Variants in LYST observed in about 807,000 individuals in gnomAD.
LYST encodes the protein lysosomal-trafficking regulator.
Under a neutral mutation model 413.6 loss-of-function variants are expected in LYST, and 192 were observed. The observed-to-expected ratio is 0.46, with a 90% CI of 0.41 to 0.52. LYST has a LOEUF of 0.52. Ranked by LOEUF, LYST falls within the 20% of genes least tolerant of loss-of-function variation. The pLI is 0.00. For synonymous variants in LYST, 1,525 were observed against 1,567.3 expected, an observed-to-expected ratio of 0.97 and a Z score of 0.64; for missense variants, 3,815 against 4,499.9, an observed-to-expected ratio of 0.85 and a Z score of 4.35.
chr1:235,751,935 G>T, intron 27 of LYST, 70 bp downstream of exon 27: 3 of 1,047,044 alleles, frequency 2.9e-6, no homozygotes, highest in Admixed American at 1.9e-5. Flanking sequence ...AGAAGAAAGA[G>T]ATTGTGCTCA....
At chr1:235,772,186 C>T (rs1168500821) in intron 19 of LYST, among the ~76,000 whole-genome samples, 1 of 152,076 alleles carries the variant, frequency 6.6e-6, no homozygotes, top group African/African-American at 2.4e-5. Flanking sequence ...GATGGTGCCA[C>T]TGCATTTTAG....
Position 235,731,116 on chromosome 1 carries a change from G to T in LYST, c.8863C>A (p.Pro2955Thr), listed in dbSNP as rs200038014. The T allele has an allele frequency of 6.2e-7, 1 of 1,613,650 alleles. No individual in the cohort carries two copies. Among genetic ancestry groups the T allele is most frequent in the Non-Finnish European group, 8.5e-7 (1 of 1,179,692 alleles). The change falls in exon 35 of 53, where the codon CCA becomes ACA. Residue 2955 changes from proline to threonine, a missense_variant. Physicochemically the swap from Pro to Thr is conservative, Grantham distance 38. Coordinates refer to ENST00000389793, the MANE Select transcript of LYST (RefSeq NM_000081.4). ...TSWQLDPTEGPNRERRRLQRC... is the reference protein window; with the variant it reads ...TSWQLDPTEGTNRERRRLQRC... ...TGTAAACGTCTCCTCTCTCGATTTGGCCCTTCTGTTGGATCCAACTGCCAT... is the reference window on the plus strand; with the variant it reads ...TGTAAACGTCTCCTCTCTCGATTTGTCCCTTCTGTTGGATCCAACTGCCAT...
Position 235,730,595 on chromosome 1 carries a change from GTGTGTGTGTGTGTGTGTGTA to G in LYST, c.9044+232_9044+251del, listed in dbSNP as rs779410645. 6.0e-3 allele frequency among the ~76,000 whole-genome samples: 778 copies of G among 129,702 alleles called. 3 individuals are homozygous for G. Among genetic ancestry groups the G allele is most frequent in the African/African-American group, 0.018 (593 of 32,488 alleles). 85.1% of individuals were successfully genotyped at this position (129,702 alleles called of 152,430 possible). A position where few individuals can be genotyped will look rare whatever the true frequency, so the allele number is the denominator to read the frequency against. The stretch of plus-strand genomic sequence containing the variant: ...TGTGTGTGTGTGTGTGTGTGTGTGT[GTGTGTGTGTGTGTGTGTGTA>G]TATGTAAACTAACAAGGGCCAGAAC... On this transcript the variant is annotated intron_variant, in intron 36 of 52. Transcript: ENST00000389793.
In LYST at chr1:235,725,607, G is replaced by A. The variant is rs1201511325; in HGVS notation, c.9163-1427C>T. On this transcript the variant is annotated intron_variant, in intron 38 of 52. Transcript: ENST00000389793. ...ATCCATGTCTGGATGGCCTGGAAAC[G>A]CCCGAGCTGTGAAACAGTTCTCATG... is the stretch of plus-strand genomic sequence containing the variant. 3.9e-5 allele frequency among the ~76,000 whole-genome samples: 6 copies of A among 152,200 alleles called. No homozygotes were observed. In the East Asian group the frequency reaches 1.2e-3, roughly 29 times the overall value.
At chr1:235,735,122 T>G (rs905371102) in intron 31 of LYST, 2 of 152,296 alleles carry the variant, frequency 1.3e-5, no homozygotes, top group African/African-American at 4.8e-5. Context: ...CCAGCTAGCT[T>G]TTGGGGAAAG....
chr1:235,709,860 A>G (rs1349012873), intron 43 of LYST, among the ~76,000 whole-genome samples: 1 of 143,228 alleles, frequency 7.0e-6, no homozygotes, highest in Admixed American at 6.7e-5. Flanking sequence ...GTCTGTTCTG[A>G]CTTCCTTTCT....
At chr1:235,716,663 C>A (rs1353376318) in intron 41 of LYST, 49 bp downstream of exon 41, 1 of 1,251,500 alleles carries the variant, frequency 8.0e-7, no homozygotes, top group Middle Eastern at 2.1e-4. Flanking sequence ...GTCTGTAAAA[C>A]AAAACACAAT....
intron 29 of LYST, among the ~76,000 whole-genome samples, chr1:235,744,466 T>C (rs990009777): frequency 1.3e-5 from 2 of 152,168 alleles, no homozygotes; most frequent in Non-Finnish European, 2.9e-5. Flanking sequence ...ATAAAGATCA[T>C]GTCATATTTA....
chr1:235,734,703 T>C (rs1437374136), intron 31 of LYST, 44 bp from the exon 32 acceptor site: 1 of 1,344,440 alleles, frequency 7.4e-7, no homozygotes, highest in African/African-American at 1.5e-5. Context: ...GAATTTTAAT[T>C]CTTACATTTA....
chr1:235,798,595 A>C (rs1355101765), intron 10 of LYST, among the ~76,000 whole-genome samples: 4 of 53,268 alleles, frequency 7.5e-5, no homozygotes, highest in African/African-American at 2.8e-4. Flanking sequence ...AAAAAAAAAA[A>C]AAAAAAAAAA....
In LYST at chr1:235,804,623, G is replaced by A. The variant is rs560104191; in HGVS notation, c.3436C>T (p.Leu1146Phe). 206 of 1,610,212 alleles carry A rather than the reference G, an allele frequency of 1.3e-4. 4 individuals are homozygous for A. In the South Asian group the frequency reaches 1.8e-3, roughly 14 times the overall value. Residue 1146 changes from leucine (L) to phenylalanine (F), a missense_variant, in exon 7 of 53, where the codon CTT becomes TTT. Coordinates refer to ENST00000389793, the MANE Select transcript of LYST (RefSeq NM_000081.4). ...ESILFEMRDH[L>F]SQSKVIETQL... The stretch of plus-strand genomic sequence containing the variant: ...GTTTCAATCACCTTTGACTGGGAAA[G>A]ATGGTCCCTCATTTCAAATAATATA...
In LYST at chr1:235,751,380, T is replaced by C; in HGVS notation, c.7628-18A>G. 1 of 1,607,772 alleles carries C rather than the reference T, an allele frequency of 6.2e-7. No individual in the cohort carries two copies. The highest frequency in any genetic ancestry group is 8.5e-7 in the Non-Finnish European group (1 of 1,175,016). The stretch of plus-strand genomic sequence containing the variant: ...AGCCATATCTAAAAACAGAAGATAC[T>C]AGAATGTTTTCAAGCTATGTGGTTA... On this transcript the variant is annotated intron_variant, in intron 27 of 52. Transcript: ENST00000389793.
At chr1:235,742,086 T>C (rs1327413856) in intron 30 of LYST, among the ~76,000 whole-genome samples, 1 of 152,118 alleles carries the variant, frequency 6.6e-6, no homozygotes, top group Admixed American at 6.5e-5. Context: ...GAAAGTAGAA[T>C]AGTGATTACT....
rs377203004 is a variant in LYST at position 235,729,763 on chromosome 1, A to G, written c.9045-106T>C. 1.8e-4 allele frequency: 140 copies of G among 792,620 alleles called. No individual in the cohort carries two copies. The South Asian group carries it at 1.9e-3, about 11-fold the overall frequency. The allele number at this position is 792,620 out of a possible 1,614,324, so 49.1% of individuals were successfully genotyped here. On this transcript the variant is annotated intron_variant, in intron 36 of 52. Coordinates refer to ENST00000389793, the MANE Select transcript of LYST (RefSeq NM_000081.4). ...AAGATTTCTGCAAAGCAGACTAGAT[A>G]GAGTTCCAATAGCATGAGGTATCTT...
rs377245179 is a variant in LYST at position 235,693,133 on chromosome 1, A to G, written c.10701+217T>C. Among the ~76,000 whole-genome samples the G allele has an allele frequency of 7.1e-3, 1,081 of 152,178 alleles. 4 individuals are homozygous for G. Among genetic ancestry groups the G allele is most frequent in the Admixed American group, 0.011 (173 of 15,284 alleles). ...GATCGAGACCATCCTTGCTAACACGATGAAATCCCGTCTCTACTAAAAGAA... is the reference window on the plus strand; with the variant it reads ...GATCGAGACCATCCTTGCTAACACGGTGAAATCCCGTCTCTACTAAAAGAA... On this transcript the variant is annotated intron_variant, in intron 47 of 52. Transcript: ENST00000389793.
At chr1:235,772,773 A>G (rs544508591) in intron 19 of LYST, among the ~76,000 whole-genome samples, 1 of 152,230 alleles carries the variant, frequency 6.6e-6, no homozygotes, top group South Asian at 2.1e-4. Context: ...CCTGACTCTT[A>G]GCAGTCTCCC....
At position 235,662,760 on chromosome 1, in the gene LYST, G is replaced by T. The variant is rs1658135537; in HGVS notation, c.*180C>A. 3 of 703,520 alleles carry T rather than the reference G, an allele frequency of 4.3e-6. No homozygotes were observed. The highest frequency in any genetic ancestry group is 7.8e-6 in the Non-Finnish European group (3 of 384,552). 43.6% of individuals were successfully genotyped at this position (703,520 alleles called of 1,614,324 possible). A position where few individuals can be genotyped will look rare whatever the true frequency, so the allele number is the denominator to read the frequency against. ...TCCAGATTATCACTAAAATAGAACA[G>T]AACTTTCCTCTTAGGATCATGTGAC... On this transcript the variant is annotated 3_prime_UTR_variant, in exon 53 of 53. Coordinates refer to ENST00000389793, the MANE Select transcript of LYST (RefSeq NM_000081.4).
intron 5 of LYST, 106 bp from the exon 6 acceptor site, chr1:235,806,878 AC>A: frequency 1.3e-6 from 1 of 742,636 alleles, no homozygotes; most frequent in Non-Finnish European, 2.3e-6. Flanking sequence ...GGATATACTA[AC>A]CACTACCTAA....
At chr1:235,867,809 T>C (rs555264697), upstream of LYST, among the ~76,000 whole-genome samples, 1 of 152,344 alleles carries the variant, frequency 6.6e-6, no homozygotes, top group Non-Finnish European at 1.5e-5. Context: ...TCGGTAGTTT[T>C]CAAGTTCTGC....
Sources: allele counts gnomAD v4.1 joint callset (sites outside exome capture counted in the v4.1 genomes callset), GRCh38; gene constraint gnomAD v4.1.1; transcripts MANE v1.5; gene names NCBI Gene and HGNC (gene_info 2026-07-23, HGNC 2026-07-21).